Variants in PRDM15 observed in about 807,000 individuals in gnomAD.
PRDM15 encodes the protein PR domain zinc finger protein 15.
PRDM15 carries 64 observed loss-of-function variants against 128.6 expected under a neutral mutation model. That is an observed-to-expected ratio of 0.50 (90% CI 0.41 to 0.61). The LOEUF is 0.61. Ranked by LOEUF, PRDM15 falls within the 20% of genes least tolerant of loss-of-function variation. The pLI is 0.00. For synonymous variants in PRDM15, 615 were observed against 621.8 expected, an observed-to-expected ratio of 0.99 and a Z score of 0.16; for missense variants, 1,242 against 1,569.1, an observed-to-expected ratio of 0.79 and a Z score of 3.52.
chr21:41,804,211 G>A (rs191095549), intron 22 of PRDM15, among the ~76,000 whole-genome samples: 7 of 152,270 alleles, frequency 4.6e-5, no homozygotes, highest in South Asian at 2.1e-4. Flanking sequence ...TGATCTGCCC[G>A]CCTTGGCCTC....
Position 41,806,540 on chromosome 21 carries a change from CCACCAACAT to C in PRDM15, c.2653-1935_2653-1927del, listed in dbSNP as rs2061660336. Among the ~76,000 whole-genome samples the C allele has an allele frequency of 8.6e-3, 73 of 8,508 alleles. 4 individuals are homozygous for C. The highest frequency in any genetic ancestry group is 0.031 in the African/African-American group (64 of 2,068). 5.6% of individuals were successfully genotyped at this position (8,508 alleles called of 152,430 possible). A position where few individuals can be genotyped will look rare whatever the true frequency, so the allele number is the denominator to read the frequency against. The stretch of plus-strand genomic sequence containing the variant: ...ACCACCATCACCACCACCATCACTA[CCACCAACAT>C]CACCACCATCACCATCACCATACCA... On this transcript the variant is annotated intron_variant, in intron 21 of 23. Coordinates refer to ENST00000398548, the MANE Select transcript of PRDM15 (RefSeq NM_001040424.3).
At chr21:41,857,009 T>C (rs1437848636) in intron 4 of PRDM15, among the ~76,000 whole-genome samples, 167 bp downstream of exon 4, 1 of 152,236 alleles carries the variant, frequency 6.6e-6, no homozygotes, top group African/African-American at 2.4e-5. Flanking sequence ...GCTCTTGCAA[T>C]GTAAAAAGAA....
intron 1 of PRDM15, chr21:41,871,882 C>A (rs2064226424): frequency 2.8e-6 from 1 of 358,118 alleles, no homozygotes; most frequent in South Asian, 6.7e-5. Flanking sequence ...AGCATGCCGG[C>A]CTCCACCTGC....
At chr21:41,818,794 C>T (rs2146358013) in intron 18 of PRDM15, among the ~76,000 whole-genome samples, 1 of 152,158 alleles carries the variant, frequency 6.6e-6, no homozygotes, top group African/African-American at 2.4e-5. Context: ...AAAATAAAAA[C>T]AGGAATGGGT....
At chr21:41,863,847 ATT>A (rs569051799) in intron 1 of PRDM15, among the ~76,000 whole-genome samples, 6 of 145,312 alleles carry the variant, frequency 4.1e-5, no homozygotes, top group Non-Finnish European at 9.2e-5. Context: ...TGCCCAAAGC[ATT>A]TTTTTTTTTT....
Position 41,811,035 on chromosome 21 carries a change from T to G in PRDM15, c.2393-199A>C. ...GCTTGGAAAGTTTATGCTTCCATAGTGACATTTCATATCAAAAAAACATGA... is the reference window on the plus strand; with the variant it reads ...GCTTGGAAAGTTTATGCTTCCATAGGGACATTTCATATCAAAAAAACATGA... On this transcript the variant is annotated intron_variant, in intron 19 of 23. Transcript: ENST00000398548. This position sits in a 1 kb window ranked among gnomAD's most constrained non-coding sequence, Gnocchi z 4.1. The G allele has an allele frequency of 1.8e-6, 1 of 549,072 alleles. No individual in the cohort carries two copies. Among genetic ancestry groups the G allele is most frequent in the Non-Finnish European group, 3.3e-6 (1 of 304,718 alleles). 34.0% of individuals were successfully genotyped at this position (549,072 alleles called of 1,614,324 possible).
rs1040721139 is a variant in PRDM15, at chr21:41,801,097, G to C, written c.*143C>G. 5 of 1,199,172 alleles carry C rather than the reference G, an allele frequency of 4.2e-6. No homozygotes were observed. In the African/African-American group the frequency reaches 7.6e-5, roughly 18 times the overall value. The allele number at this position is 1,199,172 out of a possible 1,614,324, so 74.3% of individuals were successfully genotyped here. On this transcript the variant is annotated 3_prime_UTR_variant, in exon 24 of 24. Transcript: ENST00000398548. ...GACAGACCGTAATGGTTGCTGGCGGGGGATCTGGAGATACTCTGCAAAGCT... is the reference window on the plus strand; with the variant it reads ...GACAGACCGTAATGGTTGCTGGCGGCGGATCTGGAGATACTCTGCAAAGCT...
intron 22 of PRDM15, 39 bp from the exon 23 acceptor site, chr21:41,802,960 C>A: frequency 1.3e-6 from 2 of 1,570,556 alleles, no homozygotes; most frequent in South Asian, 1.1e-5. Flanking sequence ...CCAGGTTAGT[C>A]GGTCACGTCA....
intron 5 of PRDM15, among the ~76,000 whole-genome samples, chr21:41,850,005 T>C: frequency 6.6e-6 from 1 of 152,210 alleles, no homozygotes; most frequent in East Asian, 1.9e-4. Context: ...GCAGTTGAGT[T>C]AGAACAGTGA....
rs1408259463 is a variant in PRDM15 at position 41,838,002 on chromosome 21, A to T, written c.933T>A (p.Asp311Glu). Residue 311 changes from aspartate to glutamate, a missense_variant, in exon 8 of 24, where the codon GAT (aspartate) becomes GAA (glutamate). By Grantham distance (45) the Asp-to-Glu change is conservative. This residue lies in a region of PRDM15 where 612 missense variants were observed against 717.0 expected (regional missense o/e 0.85). Coordinates refer to ENST00000398548, the MANE Select transcript of PRDM15 (RefSeq NM_001040424.3). Reference protein sequence around the residue: ...PPDEPVSATPDERIMELVLGK... With the variant: ...PPDEPVSATPEERIMELVLGK... ...CCAGAACCAGCTCCATGATCCGCTC[A>T]TCTGGCGTTGCACTCACAGGCTCAT... is the stretch of plus-strand genomic sequence containing the variant. 1.2e-6 allele frequency: 2 copies of T among 1,614,084 alleles called. No homozygotes were observed. The highest frequency in any genetic ancestry group is 2.7e-5 in the African/African-American group (2 of 74,942).
chr21:41,841,340 C>T (rs8128365), intron 6 of PRDM15, among the ~76,000 whole-genome samples: 2,766 of 152,206 alleles, frequency 0.018, 90 homozygotes, highest in African/African-American at 0.063. Context: ...TAATGGAAGG[C>T]ATAAAGTAGC....
chr21:41,830,278 AAC>A (rs1257680633), intron 11 of PRDM15, among the ~76,000 whole-genome samples: 4 of 151,306 alleles, frequency 2.6e-5, no homozygotes, highest in East Asian at 1.9e-4. Context: ...ATACACACTC[AAC>A]ACACACATCC....
Position 41,835,516 on chromosome 21 carries a change from G to C in PRDM15, c.1287C>G (p.Gly429=), listed in dbSNP as rs141786600. The C allele has an allele frequency of 6.2e-7, 1 of 1,608,486 alleles. No homozygotes were observed. The highest frequency in any genetic ancestry group is 8.5e-7 in the Non-Finnish European group (1 of 1,179,196). ...SYKHSRNEVD[G]EYRYRCGTCE... ...AAGTGCCGCAGCGGTACCTGTACTC[G>C]CCGTCCACCTGGTCAGAGGGACACG... The change falls in exon 11 of 24, where the codon GGC becomes GGG. Residue 429 remains glycine (G), a synonymous_variant. Transcript: ENST00000398548.
intron 5 of PRDM15, among the ~76,000 whole-genome samples, chr21:41,849,590 C>T (rs1184690873): frequency 6.6e-6 from 1 of 150,756 alleles, no homozygotes; most frequent in Non-Finnish European, 1.5e-5. Context: ...GAACTGTACA[C>T]TTAAAATTGT....
intron 18 of PRDM15, among the ~76,000 whole-genome samples, chr21:41,819,197 T>C (rs2062157151): frequency 6.6e-6 from 1 of 152,232 alleles, no homozygotes; most frequent in Non-Finnish European, 1.5e-5. Flanking sequence ...GACTGAAGCC[T>C]ATGGGCTTCC....
At chr21:41,805,307 G>A (rs1035714076) in intron 21 of PRDM15, among the ~76,000 whole-genome samples, 2 of 152,204 alleles carry the variant, frequency 1.3e-5, no homozygotes, top group Non-Finnish European at 2.9e-5. Flanking sequence ...AGAGACAGCC[G>A]AACGTGATAA....
rs748680493 is a variant in PRDM15, at chr21:41,802,814, C to G, written c.2841G>C (p.Pro947=). 4.3e-6 allele frequency: 7 copies of G among 1,614,180 alleles called. No individual in the cohort carries two copies. The East Asian group carries it at 1.6e-4, about 36-fold the overall frequency. ...CGCTGAAGGTGGCGTCCTCGGGCAC[C>G]GGAGCACCCGCCTCCTCTTCTGGCT... ...KQKPEEEAGA[P]VPEDATFSEY... The change falls in exon 23 of 24, where the codon CCG becomes CCC. Residue 947 remains proline, a synonymous_variant. Coordinates refer to ENST00000398548, the MANE Select transcript of PRDM15 (RefSeq NM_001040424.3).
At chr21:41,833,955 C>T (rs1229136019) in intron 11 of PRDM15, among the ~76,000 whole-genome samples, 1 of 152,188 alleles carries the variant, frequency 6.6e-6, no homozygotes, top group Non-Finnish European at 1.5e-5. Context: ...GCGGGGACCC[C>T]AAGGGGAGGT....
At chr21:41,820,278 T>C in intron 16 of PRDM15, 104 bp from the exon 17 acceptor site, 1 of 813,124 alleles carries the variant, frequency 1.2e-6, no homozygotes, top group Non-Finnish European at 2.1e-6. Flanking sequence ...GGCAACAAGG[T>C]GCCACGGGGA....
Sources: gnomAD v4.1 joint callset for allele counts (sites outside exome capture counted in the v4.1 genomes callset) on GRCh38, gnomAD v4.1.1 for gene constraint, gnomAD v4.1.1 regional missense constraint, Gnocchi (gnomAD v3.1) non-coding constraint, MANE v1.5 for transcripts, NCBI Gene and HGNC (gene_info 2026-07-23, HGNC 2026-07-21) for gene names.